The following NRXN3 variants were observed in gnomAD, a reference collection of about 807,000 sequenced individuals.
NRXN3 encodes neurexin III.
Under a neutral mutation model 137.6 loss-of-function variants are expected in NRXN3, and 32 were observed. The observed-to-expected ratio is 0.23, with a 90% CI of 0.18 to 0.31. The LOEUF is 0.31. NRXN3 is among the 10% of genes least tolerant of loss of function. NRXN3 has a pLI of 1.00. For synonymous variants in NRXN3, 798 were observed against 784.5 expected (o/e 1.02, Z -0.29); for missense variants, 1,574 against 2,062.5 (o/e 0.76, Z 4.59).
At chr14:78,312,391 A>G (rs2078075113) in intron 4 of NRXN3, among the ~76,000 whole-genome samples, 1 of 152,068 alleles carries the variant, frequency 6.6e-6, no homozygotes, top group East Asian at 1.9e-4. Flanking sequence ...TATACCCATA[A>G]CTTTTTCTTT....
intron 15 of NRXN3, among the ~76,000 whole-genome samples, chr14:79,012,099 T>C (rs927499591): frequency 4.6e-5 from 7 of 152,218 alleles, no homozygotes; most frequent in African/African-American, 1.4e-4. Context: ...ATTCACTAAA[T>C]GGCTTTTCCA....
At chr14:78,247,435 C>G (rs1466312307) in intron 2 of NRXN3, among the ~76,000 whole-genome samples, 2 of 152,144 alleles carry the variant, frequency 1.3e-5, no homozygotes. Flanking sequence ...CTTGGGAAAA[C>G]TTTATTCCAA....
chr14:79,588,880 A>G (rs1029082876), intron 16 of NRXN3, among the ~76,000 whole-genome samples: 2 of 145,966 alleles, frequency 1.4e-5, no homozygotes, highest in African/African-American at 4.9e-5. Context: ...ACATCATGGA[A>G]GATAGATAGG....
intron 16 of NRXN3, among the ~76,000 whole-genome samples, chr14:79,580,127 C>A (rs2097700776): frequency 6.6e-6 from 1 of 152,106 alleles, no homozygotes; most frequent in Admixed American, 6.5e-5. Flanking sequence ...TGATTTTATC[C>A]TTTTTTATGG....
chr14:79,151,001 G>C (rs1013126438), intron 15 of NRXN3, among the ~76,000 whole-genome samples: 10 of 152,062 alleles, frequency 6.6e-5, no homozygotes, highest in Admixed American at 3.3e-4. Flanking sequence ...TCCATGAAAA[G>C]AGAATGTATC....
chr14:78,230,319 T>A (rs2065220329), intron 1 of NRXN3, among the ~76,000 whole-genome samples: 1 of 148,630 alleles, frequency 6.7e-6, no homozygotes, highest in Non-Finnish European at 1.5e-5. Flanking sequence ...TCTGTCTCTG[T>A]CTCTGTCTGT....
chr14:78,433,847 C>T (rs2093972631), intron 4 of NRXN3, among the ~76,000 whole-genome samples: 3 of 152,112 alleles, frequency 2.0e-5, no homozygotes, highest in African/African-American at 7.2e-5. Flanking sequence ...GCTCGGACAA[C>T]AAAATTTTGT....
intron 4 of NRXN3, among the ~76,000 whole-genome samples, chr14:78,483,262 T>C (rs2153742324): frequency 6.6e-6 from 1 of 152,338 alleles, no homozygotes; most frequent in South Asian, 2.1e-4. Context: ...GCATCTGCAG[T>C]AGGAAAGTTT....
chr14:79,196,149 T>C (rs993771129), intron 15 of NRXN3, among the ~76,000 whole-genome samples: 5 of 152,216 alleles, frequency 3.3e-5, no homozygotes, highest in African/African-American at 1.2e-4. Context: ...ATAGAGGCTA[T>C]TGGCAGATTT....
chr14:78,425,225 A>G (rs117039367), intron 4 of NRXN3, among the ~76,000 whole-genome samples: 1 of 152,268 alleles, frequency 6.6e-6, no homozygotes, highest in Non-Finnish European at 1.5e-5. Flanking sequence ...CTGTTTTCTC[A>G]CTTGTAGTTT....
chr14:79,649,644 T>G (rs1026941261), intron 16 of NRXN3, among the ~76,000 whole-genome samples: 1 of 152,006 alleles, frequency 6.6e-6, no homozygotes, highest in Non-Finnish European at 1.5e-5. Context: ...TGGCAAAAAT[T>G]AGTGAGGTTT....
intron 4 of NRXN3, among the ~76,000 whole-genome samples, chr14:78,496,797 C>T (rs958606071): frequency 3.3e-5 from 5 of 151,860 alleles, no homozygotes; most frequent in South Asian, 2.1e-4. Flanking sequence ...AAGGCCAGTA[C>T]GTCTGGAATG....
chr14:78,287,173 T>A (rs886508096), intron 3 of NRXN3, among the ~76,000 whole-genome samples: 8 of 152,224 alleles, frequency 5.3e-5, no homozygotes, highest in Admixed American at 1.3e-4. Context: ...AAAGCTTCAC[T>A]CTTCACCATA....
intron 4 of NRXN3, among the ~76,000 whole-genome samples, chr14:78,601,029 C>A (rs1015628813): frequency 6.6e-6 from 1 of 152,184 alleles, no homozygotes; most frequent in African/African-American, 2.4e-5. Flanking sequence ...TACTTTACTG[C>A]CCTAGTTCAG....
At chr14:78,653,973 A>G (rs2097766862) in intron 6 of NRXN3, among the ~76,000 whole-genome samples, 1 of 152,234 alleles carries the variant, frequency 6.6e-6, no homozygotes. Flanking sequence ...AGGCAAAGCT[A>G]GAACTTGATA....
At chr14:79,612,400 C>T (rs2098114018) in intron 16 of NRXN3, among the ~76,000 whole-genome samples, 1 of 152,142 alleles carries the variant, frequency 6.6e-6, no homozygotes, top group African/African-American at 2.4e-5. Flanking sequence ...CCTTCCTCTG[C>T]AGTACAGTGA....
At chr14:78,961,016 T>G (rs2099407131) in intron 11 of NRXN3, among the ~76,000 whole-genome samples, 1 of 150,848 alleles carries the variant, frequency 6.6e-6, no homozygotes, top group East Asian at 1.9e-4. Flanking sequence ...TTGCTAATTT[T>G]TTTTTTTTTT....
intron 1 of NRXN3, among the ~76,000 whole-genome samples, chr14:78,182,779 T>C (rs1294587339): frequency 6.6e-6 from 1 of 152,174 alleles, no homozygotes; most frequent in Non-Finnish European, 1.5e-5. Context: ...CCTATCAAAA[T>C]TATCTCACCA....
At chr14:79,470,150 T>C (rs1293710768) in intron 16 of NRXN3, among the ~76,000 whole-genome samples, 2 of 152,122 alleles carry the variant, frequency 1.3e-5, no homozygotes, top group Non-Finnish European at 2.9e-5. Context: ...AGGCAGAAGA[T>C]GCTATTTCTC....
Sources: allele counts gnomAD v4.1 joint callset (sites outside exome capture counted in the v4.1 genomes callset), GRCh38; gene constraint gnomAD v4.1.1; transcripts MANE v1.5; gene names NCBI Gene and HGNC (gene_info 2026-07-23, HGNC 2026-07-21).